The following FOXP1 variants were observed in gnomAD, a reference collection of about 807,000 sequenced individuals.
The protein encoded by FOXP1 is forkhead box P1.
Under a neutral mutation model 98.2 loss-of-function variants are expected in FOXP1, and 15 were observed. That is an observed-to-expected ratio of 0.15 (90% CI 0.10 to 0.24). The LOEUF (loss-of-function observed/expected upper bound fraction) is 0.24, where lower values mean the gene tolerates loss of function less well. Ranked by LOEUF, FOXP1 falls within the 10% of genes least tolerant of loss-of-function variation. The pLI is 1.00. For synonymous variants in FOXP1, 371 were observed against 314.5 expected, an observed-to-expected ratio of 1.18 and a Z score of -1.90; for missense variants, 633 against 848.5, an observed-to-expected ratio of 0.75 and a Z score of 3.15.
chr3:71,034,081 C>T (rs911960467), intron 11 of FOXP1, among the ~76,000 whole-genome samples: 1 of 152,254 alleles, frequency 6.6e-6, no homozygotes, highest in Non-Finnish European at 1.5e-5. Context: ...AGCACGCCCT[C>T]TATATTCTCC....
chr3:71,538,463 C>A (rs1294867604), intron 2 of FOXP1, among the ~76,000 whole-genome samples: 1 of 152,204 alleles, frequency 6.6e-6, no homozygotes, highest in Non-Finnish European at 1.5e-5. Flanking sequence ...ACAATGTTTG[C>A]AAAGTTCATC....
At chr3:71,560,675 T>C (rs1168948811) in intron 2 of FOXP1, among the ~76,000 whole-genome samples, 1 of 152,202 alleles carries the variant, frequency 6.6e-6, no homozygotes, top group Non-Finnish European at 1.5e-5. Flanking sequence ...AACAGATGAA[T>C]GGATAAACAA....
rs2063123684 is a variant in FOXP1 at position 71,193,482 on chromosome 3, T to C, written c.180+4720A>G. 1.4e-5 allele frequency among the ~76,000 whole-genome samples: 2 copies of C among 138,034 alleles called. 1 individual carries two copies. Among genetic ancestry groups the C allele is most frequent in the East Asian group, 4.4e-4 (2 of 4,574 alleles). The allele number at this position is 138,034 out of a possible 152,430, so 90.6% of individuals were successfully genotyped here. A position where few individuals can be genotyped will look rare whatever the true frequency, so the allele number is the denominator to read the frequency against. On this transcript the variant is annotated intron_variant, in intron 6 of 20. Transcript: ENST00000649528. ...TTTTTTTTTTTAGACATATTCTCAC[T>C]TTGTCGCCCAGGCTGGAGTGCAGTG... is the stretch of plus-strand genomic sequence containing the variant.
chr3:70,966,361 C>T (rs905620071), intron 19 of FOXP1: 47 of 395,826 alleles, frequency 1.2e-4, no homozygotes, highest in African/African-American at 7.2e-4. Flanking sequence ...AGGTTTATGT[C>T]GGATGCGTTT....
intron 6 of FOXP1, among the ~76,000 whole-genome samples, chr3:71,159,598 T>A: frequency 6.6e-6 from 1 of 152,314 alleles, no homozygotes; most frequent in East Asian, 1.9e-4. Context: ...CCATTCTCTT[T>A]GATTATAAAT....
intron 7 of FOXP1, among the ~76,000 whole-genome samples, chr3:71,108,136 C>T (rs1327643183): frequency 6.6e-6 from 1 of 152,182 alleles, no homozygotes; most frequent in East Asian, 1.9e-4. Flanking sequence ...GTGAGCTTTC[C>T]ACTGTAAGCA....
chr3:71,541,588 C>G (rs759646496), intron 2 of FOXP1, among the ~76,000 whole-genome samples: 1 of 152,102 alleles, frequency 6.6e-6, no homozygotes, highest in Admixed American at 6.5e-5. Flanking sequence ...GCTACTCTAG[C>G]TGCACAACAG....
At chr3:71,414,648 G>C (rs147404992) in intron 3 of FOXP1, among the ~76,000 whole-genome samples, 4 of 152,222 alleles carry the variant, frequency 2.6e-5, no homozygotes, top group African/African-American at 9.6e-5. Flanking sequence ...GCCCCAGCCC[G>C]CAGAGGGGGA....
chr3:70,972,738 C>T, intron 17 of FOXP1, 62 bp from the exon 18 acceptor site: 1 of 1,547,470 alleles, frequency 6.5e-7, no homozygotes, highest in Non-Finnish European at 8.9e-7. Context: ...CCAAAAACAG[C>T]AGTAAATTCA....
At chr3:71,010,827 C>T (rs773608562) in intron 12 of FOXP1, among the ~76,000 whole-genome samples, 2 of 122,292 alleles carry the variant, frequency 1.6e-5, no homozygotes, top group East Asian at 3.0e-4. Flanking sequence ...ATGACAATAA[C>T]CCCCCCTCCC....
At chr3:71,543,605 A>G (rs2107626056) in intron 2 of FOXP1, 1 of 152,404 alleles carries the variant, frequency 6.6e-6, no homozygotes, top group East Asian at 1.9e-4. Context: ...GTATGTGACA[A>G]GTGGCATCTA....
intron 5 of FOXP1, among the ~76,000 whole-genome samples, chr3:71,265,053 G>T (rs541268145): frequency 1.3e-5 from 2 of 152,172 alleles, no homozygotes; most frequent in South Asian, 4.1e-4. Flanking sequence ...CCAGCTGTAA[G>T]CTTCAGAGCA....
At chr3:71,068,840 A>T (rs1236588198) in intron 7 of FOXP1, among the ~76,000 whole-genome samples, 1 of 152,198 alleles carries the variant, frequency 6.6e-6, no homozygotes, top group East Asian at 1.9e-4. Flanking sequence ...CCTCCCCAGA[A>T]GGAGGACTGC....
intron 6 of FOXP1, among the ~76,000 whole-genome samples, chr3:71,114,003 C>G (rs2058160274): frequency 6.6e-6 from 1 of 152,116 alleles, no homozygotes; most frequent in Non-Finnish European, 1.5e-5. Context: ...GTCAAGAATG[C>G]TCATTAAACG....
At chr3:71,517,981 A>G (rs1248882277) in intron 2 of FOXP1, among the ~76,000 whole-genome samples, 1 of 152,174 alleles carries the variant, frequency 6.6e-6, no homozygotes, top group Non-Finnish European at 1.5e-5. Context: ...TGTTAAGTCA[A>G]CTCAGTAACA....
At chr3:71,434,631 G>GTTGTGTGTGTGT (rs376887775) in intron 3 of FOXP1, among the ~76,000 whole-genome samples, 41 of 142,342 alleles carry the variant, frequency 2.9e-4, no homozygotes, top group African/African-American at 1.0e-3. Flanking sequence ...GAGGGGATGG[G>GTTGTGTGTGTGT]GTGTGTGTGT....
chr3:71,045,023 G>T (rs548661724), intron 10 of FOXP1, among the ~76,000 whole-genome samples: 1 of 152,182 alleles, frequency 6.6e-6, no homozygotes, highest in Non-Finnish European at 1.5e-5. Context: ...AGGTGAGGGA[G>T]TGGGGGGACA....
chr3:71,416,798 A>G (rs1577387906), intron 3 of FOXP1, among the ~76,000 whole-genome samples: 1 of 152,206 alleles, frequency 6.6e-6, no homozygotes, highest in East Asian at 1.9e-4. Context: ...GCAGCAGGAA[A>G]AAAAGGGGGC....
intron 4 of FOXP1, among the ~76,000 whole-genome samples, chr3:71,301,657 G>T (rs1158296104): frequency 6.6e-6 from 1 of 152,160 alleles, no homozygotes; most frequent in African/African-American, 2.4e-5. Flanking sequence ...ACTTTGCAAT[G>T]CAGATGAGAT....
Sources: gnomAD v4.1 joint callset for allele counts (sites outside exome capture counted in the v4.1 genomes callset) on GRCh38, gnomAD v4.1.1 for gene constraint, MANE v1.5 for transcripts, NCBI Gene and HGNC (gene_info 2026-07-23, HGNC 2026-07-21) for gene names.